Variants in MACROH2A1 observed in about 807,000 individuals in gnomAD.
The protein encoded by MACROH2A1 is macroH2A.1 histone, also known as core histone macro-H2A.1.
A neutral mutation model predicts 31.6 loss-of-function variants in MACROH2A1; 2 were observed. That is an observed-to-expected ratio of 0.06 (90% CI 0.03 to 0.20). The LOEUF is 0.20. Among genes scored for constraint, MACROH2A1 ranks in the 10% least tolerant of loss-of-function variants. The probability of loss-of-function intolerance (pLI) is 1.00; values close to 1 mark genes in which losing one functional copy is unlikely to be tolerated. For synonymous variants in MACROH2A1, 169 were observed against 189.6 expected, an observed-to-expected ratio of 0.89 and a Z score of 0.89; for missense variants, 230 against 474.0, an observed-to-expected ratio of 0.49 and a Z score of 4.78.
At chr5:135,362,756 T>G (rs1286792312) in intron 4 of MACROH2A1, 1 of 152,192 alleles carries the variant, frequency 6.6e-6, no homozygotes, top group Non-Finnish European at 1.5e-5. Context: ...TATCCAATCT[T>G]GTAGAATCTA....
chr5:135,335,574 C>T (rs1758513720), intron 8 of MACROH2A1, among the ~76,000 whole-genome samples: 2 of 152,290 alleles, frequency 1.3e-5, no homozygotes, highest in South Asian at 4.1e-4. Context: ...CCTCTATCCA[C>T]CCACACAGAA....
intron 8 of MACROH2A1, among the ~76,000 whole-genome samples, chr5:135,336,683 G>GTGAA (rs1284439234): frequency 1.3e-5 from 2 of 152,206 alleles, no homozygotes; most frequent in Non-Finnish European, 2.9e-5. Context: ...GGCATGTATA[G>GTGAA]TGAAAGAAAA....
At chr5:135,375,010 G>T (rs1397531849) in intron 2 of MACROH2A1, among the ~76,000 whole-genome samples, 1 of 152,214 alleles carries the variant, frequency 6.6e-6, no homozygotes, top group African/African-American at 2.4e-5. Context: ...GGCCCAAGGC[G>T]CTTAGGGTCT....
chr5:135,340,212 G>C (rs962043720), intron 8 of MACROH2A1, among the ~76,000 whole-genome samples: 6 of 152,164 alleles, frequency 3.9e-5, no homozygotes, highest in African/African-American at 1.4e-4. Context: ...AGTACAAGTT[G>C]AGTGACCTCA....
intron 2 of MACROH2A1, among the ~76,000 whole-genome samples, chr5:135,377,444 G>A (rs1254071725): frequency 6.6e-6 from 1 of 152,232 alleles, no homozygotes; most frequent in Non-Finnish European, 1.5e-5. Flanking sequence ...AGAGTATAAT[G>A]TAAAGAGGAA....
chr5:135,367,325 ATG>A (rs1184301464), intron 4 of MACROH2A1, among the ~76,000 whole-genome samples: 1 of 152,184 alleles, frequency 6.6e-6, no homozygotes. Flanking sequence ...TAAGTAGACA[ATG>A]TGTTTTATTG....
chr5:135,397,846 C>T (rs1768236974), intron 1 of MACROH2A1, among the ~76,000 whole-genome samples: 1 of 152,098 alleles, frequency 6.6e-6, no homozygotes, highest in Admixed American at 6.5e-5. Flanking sequence ...CCCATTCAAA[C>T]CTAAGACTGT....
intron 2 of MACROH2A1, among the ~76,000 whole-genome samples, chr5:135,379,985 A>G (rs73294527): frequency 0.11 from 17,319 of 152,108 alleles, 2,748 homozygotes; most frequent in African/African-American, 0.35. Flanking sequence ...GCCCTGCTGC[A>G]TACCTCCCCT....
intron 1 of MACROH2A1, among the ~76,000 whole-genome samples, chr5:135,397,221 T>C (rs1317782691): frequency 6.6e-6 from 1 of 152,186 alleles, no homozygotes; most frequent in Non-Finnish European, 1.5e-5. Context: ...CCAGAACACA[T>C]GCCCTCTGAG....
chr5:135,383,060 G>T (rs776039674), intron 2 of MACROH2A1, among the ~76,000 whole-genome samples: 1 of 152,218 alleles, frequency 6.6e-6, no homozygotes, highest in East Asian at 1.9e-4. Context: ...CTCAAACCCT[G>T]AGGCCTGACC....
chr5:135,360,318 A>C (rs1762671299), intron 5 of MACROH2A1, 179 bp downstream of exon 5: 1 of 601,160 alleles, frequency 1.7e-6, no homozygotes. Flanking sequence ...CTCCCTCAGC[A>C]TTGTGGCCTC....
chr5:135,358,388 A>G (rs1762431550), intron 5 of MACROH2A1: 1 of 985,238 alleles, frequency 1.0e-6, no homozygotes, highest in Non-Finnish European at 1.2e-6. Context: ...CTGCAGCACT[A>G]GATTTTTGGG....
At position 135,399,013 on chromosome 5, in the gene MACROH2A1, C is replaced by A; in HGVS notation, c.-34+49G>T. ...GCTCCCGGGCACCCGCGGCCGGACC[C>A]GAGCGGCGGGGACAGGGAGTGCGGC... is the stretch of plus-strand genomic sequence containing the variant. On this transcript the variant is annotated intron_variant, in intron 1 of 8. Transcript: ENST00000511689. The surrounding 1 kb of genome is among the most constrained non-coding windows in gnomAD (Gnocchi z 4.5). 6.6e-6 allele frequency: 1 copy of A among 151,004 alleles called. No homozygotes were observed. Among genetic ancestry groups the A allele is most frequent in the South Asian group, 1.9e-4 (1 of 5,266 alleles). The allele number at this position is 151,004 out of a possible 1,614,324, so 9.4% of individuals were successfully genotyped here.
At chr5:135,339,050 C>A (rs1759314878) in intron 8 of MACROH2A1, among the ~76,000 whole-genome samples, 1 of 152,218 alleles carries the variant, frequency 6.6e-6, no homozygotes, top group African/African-American at 2.4e-5. Context: ...TCTTCAGCCC[C>A]TGACCTGGCC....
Position 135,389,100 on chromosome 5 carries a change from G to A in MACROH2A1, c.-7C>T. On this transcript the variant is annotated 5_prime_UTR_variant, in exon 2 of 9. Coordinates refer to ENST00000511689, the MANE Select transcript of MACROH2A1 (RefSeq NM_138610.3). ...TCCCACCGCGGCTCGACATGGCGGT[G>A]GCCCTGGAGGCGGATCAGTGAGCAC... The A allele has an allele frequency of 6.2e-7, 1 of 1,611,044 alleles. No homozygotes were observed. Among genetic ancestry groups the A allele is most frequent in the Non-Finnish European group, 8.5e-7 (1 of 1,177,688 alleles).
At chr5:135,391,790 C>CGGCG (rs1448610249) in intron 1 of MACROH2A1, among the ~76,000 whole-genome samples, 2 of 152,216 alleles carry the variant, frequency 1.3e-5, no homozygotes, top group Non-Finnish European at 2.9e-5. Context: ...CTCTGCTGAA[C>CGGCG]CGCCTGCAGA....
chr5:135,342,700 C>T (rs1760103286), intron 8 of MACROH2A1, among the ~76,000 whole-genome samples: 1 of 152,196 alleles, frequency 6.6e-6, no homozygotes, highest in Non-Finnish European at 1.5e-5. Context: ...CATTCCGTTC[C>T]ACCAGGTCCC....
intron 4 of MACROH2A1, among the ~76,000 whole-genome samples, chr5:135,368,332 T>A (rs1763774375): frequency 6.6e-6 from 1 of 152,216 alleles, no homozygotes; most frequent in Admixed American, 6.5e-5. Flanking sequence ...TGGTCACAGC[T>A]CCTTGAGCCT....
chr5:135,359,436 A>G, intron 5 of MACROH2A1: 1 of 984,644 alleles, frequency 1.0e-6, no homozygotes, highest in South Asian at 4.7e-5. Context: ...GATGACAACT[A>G]GTGCTACTTT....
Sources: gnomAD v4.1 joint callset for allele counts (sites outside exome capture counted in the v4.1 genomes callset) on GRCh38, gnomAD v4.1.1 for gene constraint, Gnocchi (gnomAD v3.1) non-coding constraint, MANE v1.5 for transcripts, NCBI Gene and HGNC (gene_info 2026-07-23, HGNC 2026-07-21) for gene names.